TNFAIP8: variants seen among roughly 807,000 people sequenced by gnomAD.
The protein encoded by TNFAIP8 is tumor necrosis factor alpha-induced protein 8.
TNFAIP8 carries 7 observed loss-of-function variants against 13.3 expected under a neutral mutation model. That is an observed-to-expected ratio of 0.52 (90% CI 0.30 to 0.99). The LOEUF (loss-of-function observed/expected upper bound fraction) is 0.99, where lower values mean the gene tolerates loss of function less well. Among genes scored for constraint, TNFAIP8 ranks in the 50% least tolerant of loss-of-function variants. The pLI is 0.07. For missense variants in TNFAIP8, 258 were observed against 236.9 expected (o/e 1.09, Z -0.58); for synonymous variants, 94 against 87.6 (o/e 1.07, Z -0.41).
chr5:119,383,093 G>T (rs1752547713), intron 1 of TNFAIP8, among the ~76,000 whole-genome samples: 1 of 152,156 alleles, frequency 6.6e-6, no homozygotes, highest in Non-Finnish European at 1.5e-5. Context: ...TATTTAACTA[G>T]AGATAATTTT....
chr5:119,379,765 G>T (rs1188992379), intron 1 of TNFAIP8, among the ~76,000 whole-genome samples: 1 of 151,914 alleles, frequency 6.6e-6, no homozygotes, highest in African/African-American at 2.4e-5. Flanking sequence ...TAATTTTTTT[G>T]TATTTTTAGT....
chr5:119,335,767 T>C (rs7707736), intron 1 of TNFAIP8, among the ~76,000 whole-genome samples: 15,901 of 151,840 alleles, frequency 0.1, 1,039 homozygotes, highest in African/African-American at 0.2. Context: ...ATTCTAGGTG[T>C]GGGCAATAAA....
intron 1 of TNFAIP8, among the ~76,000 whole-genome samples, chr5:119,286,083 T>A (rs1748769243): frequency 6.6e-6 from 1 of 152,172 alleles, no homozygotes; most frequent in African/African-American, 2.4e-5. Flanking sequence ...AAAAATATAT[T>A]TGGCAAAGGA....
intron 1 of TNFAIP8, among the ~76,000 whole-genome samples, chr5:119,292,749 G>C (rs561513612): frequency 3.5e-5 from 5 of 143,864 alleles, no homozygotes; most frequent in Non-Finnish European, 6.0e-5. Context: ...ACCTGCTACA[G>C]CATGGGTGAA....
intron 1 of TNFAIP8, among the ~76,000 whole-genome samples, chr5:119,305,076 G>C (rs535826037): frequency 6.6e-6 from 1 of 152,318 alleles, no homozygotes; most frequent in East Asian, 1.9e-4. Context: ...CAGAGGAAGA[G>C]CTATTGGAAG....
chr5:119,291,590 A>G (rs1748986432), intron 1 of TNFAIP8, among the ~76,000 whole-genome samples: 1 of 152,266 alleles, frequency 6.6e-6, no homozygotes, highest in Non-Finnish European at 1.5e-5. Context: ...AGTACCAGCC[A>G]CGGAGTGCAG....
intron 1 of TNFAIP8, among the ~76,000 whole-genome samples, chr5:119,364,531 A>G (rs1230744914): frequency 1.3e-5 from 2 of 152,122 alleles, no homozygotes; most frequent in Non-Finnish European, 2.9e-5. Flanking sequence ...ATTGTTTTGT[A>G]GAGACAAGGT....
chr5:119,306,977 A>G (rs992626288), intron 1 of TNFAIP8, among the ~76,000 whole-genome samples: 3 of 152,230 alleles, frequency 2.0e-5, no homozygotes, highest in African/African-American at 7.2e-5. Context: ...GGATCAAACT[A>G]CTGTTTTTTG....
intron 1 of TNFAIP8, chr5:119,333,103 GTT>G (rs74745691): frequency 2.9e-5 from 18 of 624,114 alleles, no homozygotes; most frequent in Non-Finnish European, 3.5e-5. Flanking sequence ...CTTTTTTTTA[GTT>G]TTTTTTTTTT....
intron 1 of TNFAIP8, among the ~76,000 whole-genome samples, chr5:119,287,280 G>GTTTTTTTTTTTTTTTTT (rs58452491): frequency 1.8e-5 from 2 of 109,236 alleles, no homozygotes; most frequent in Non-Finnish European, 3.5e-5. Flanking sequence ...CAGTAACCAA[G>GTTTTTTTTTTTTTTTTT]TTTTTTTTTT....
chr5:119,362,430 C>T (rs1454396315), intron 1 of TNFAIP8, among the ~76,000 whole-genome samples: 3 of 152,172 alleles, frequency 2.0e-5, no homozygotes, highest in Non-Finnish European at 2.9e-5. Flanking sequence ...TGATCCTACT[C>T]ATGACTTTGT....
intron 1 of TNFAIP8, among the ~76,000 whole-genome samples, chr5:119,334,817 A>G (rs78260897): frequency 6.6e-6 from 1 of 152,188 alleles, no homozygotes; most frequent in East Asian, 1.9e-4. Flanking sequence ...CATTGCATAT[A>G]TAGAGTTGAG....
At chr5:119,378,982 G>A (rs1276165792) in intron 1 of TNFAIP8, among the ~76,000 whole-genome samples, 1 of 152,124 alleles carries the variant, frequency 6.6e-6, no homozygotes, top group Admixed American at 6.5e-5. Flanking sequence ...AGGATCTCTT[G>A]AGCCCAGGAG....
At chr5:119,365,997 A>G (rs1300157051) in intron 1 of TNFAIP8, among the ~76,000 whole-genome samples, 3 of 151,916 alleles carry the variant, frequency 2.0e-5, no homozygotes, top group Non-Finnish European at 1.5e-5. Flanking sequence ...TGCAGGAACA[A>G]TGAGGGAGAC....
At chr5:119,272,850 A>ATGGTTTTTTCTGT in intron 1 of TNFAIP8, among the ~76,000 whole-genome samples, 2 of 152,308 alleles carry the variant, frequency 1.3e-5, no homozygotes, top group South Asian at 4.1e-4. Context: ...TTAAAAACCA[A>ATGGTTTTTTCTGT]CATGGTGATG....
At chr5:119,366,311 G>A (rs1751855953) in intron 1 of TNFAIP8, among the ~76,000 whole-genome samples, 1 of 152,150 alleles carries the variant, frequency 6.6e-6, no homozygotes, top group Non-Finnish European at 1.5e-5. Flanking sequence ...AAAGCACTGT[G>A]CAGACTTGGA....
intron 1 of TNFAIP8, among the ~76,000 whole-genome samples, chr5:119,294,908 T>G (rs1749120030): frequency 1.3e-5 from 2 of 151,656 alleles, no homozygotes; most frequent in Admixed American, 1.3e-4. Context: ...CTCTTGTAAA[T>G]TTGTTTGAGT....
At chr5:119,323,154 A>T (rs1581604052) in intron 1 of TNFAIP8, among the ~76,000 whole-genome samples, 1 of 152,152 alleles carries the variant, frequency 6.6e-6, no homozygotes, top group Non-Finnish European at 1.5e-5. Context: ...AGGTTACTTA[A>T]AGGGCAGTTG....
chr5:119,352,495 C>T (rs1421216740), upstream of TNFAIP8, among the ~76,000 whole-genome samples: 1 of 152,256 alleles, frequency 6.6e-6, no homozygotes, highest in African/African-American at 2.4e-5. Flanking sequence ...AACTAGTTTA[C>T]AGAGGTGCTT....
Sources: gnomAD v4.1 joint callset for allele counts (sites outside exome capture counted in the v4.1 genomes callset) on GRCh38, gnomAD v4.1.1 for gene constraint, MANE v1.5 for transcripts, NCBI Gene and HGNC (gene_info 2026-07-23, HGNC 2026-07-21) for gene names.